The following ABAT variants were observed in gnomAD, a reference collection of about 807,000 sequenced individuals.
The protein encoded by ABAT is 4-aminobutyrate aminotransferase.
A neutral mutation model predicts 64.6 loss-of-function variants in ABAT; 45 were observed. That is an observed-to-expected ratio of 0.70 (90% CI 0.55 to 0.89). The LOEUF is 0.89. Among genes scored for constraint, ABAT ranks in the 40% least tolerant of loss-of-function variants. The pLI is 0.00. For missense variants in ABAT, 633 were observed against 658.4 expected (o/e 0.96, Z 0.42); for synonymous variants, 297 against 250.5 (o/e 1.19, Z -1.75).
intron 1 of ABAT, among the ~76,000 whole-genome samples, chr16:8,729,123 G>A (rs964160117): frequency 5.4e-5 from 8 of 147,826 alleles, no homozygotes; most frequent in Admixed American, 1.4e-4. Flanking sequence ...CCTTCACAAC[G>A]TGAGAAAAAC....
intron 5 of ABAT, among the ~76,000 whole-genome samples, chr16:8,752,299 A>C (rs1428074235): frequency 6.6e-6 from 1 of 152,088 alleles, no homozygotes; most frequent in Non-Finnish European, 1.5e-5. Flanking sequence ...TTTGTGTGGG[A>C]GTGGAAGGGA....
rs1596476030 is a variant in ABAT, at chr16:8,781,970, G to A, written c.*540G>A. The A allele has an allele frequency of 1.1e-5, 2 of 187,240 alleles. No individual in the cohort carries two copies. The highest frequency in any genetic ancestry group is 1.1e-4 in the South Asian group (1 of 8,850). The allele number at this position is 187,240 out of a possible 1,614,324, so 11.6% of individuals were successfully genotyped here. On this transcript the variant is annotated 3_prime_UTR_variant, in exon 16 of 16. Coordinates refer to ENST00000268251, the MANE Select transcript of ABAT (RefSeq NM_020686.6). This position sits in a 1 kb window ranked among gnomAD's most constrained non-coding sequence, Gnocchi z 4.5. The stretch of plus-strand genomic sequence containing the variant: ...GGACTGGACAGATCTGAGGAAGGCC[G>A]TAAAATGGGGACAGGAGGATTCAGC...
In ABAT at chr16:8,750,556, C is replaced by G; in HGVS notation, c.316+17C>G. 6.2e-7 allele frequency: 1 copy of G among 1,603,286 alleles called. No individual in the cohort carries two copies. The highest frequency in any genetic ancestry group is 8.5e-7 in the Non-Finnish European group (1 of 1,170,430). ...TCCCCATAGGTAAGAGCTGGGAAAT[C>G]ATTCCTTGGATATAACCTCTGTTTC... On this transcript the variant is annotated intron_variant, in intron 5 of 15. Coordinates refer to ENST00000268251, the MANE Select transcript of ABAT (RefSeq NM_020686.6).
At chr16:8,707,256 G>C (rs1173537890) in intron 1 of ABAT, among the ~76,000 whole-genome samples, 3 of 151,820 alleles carry the variant, frequency 2.0e-5, no homozygotes, top group Non-Finnish European at 4.4e-5. Flanking sequence ...GTGCAATCAT[G>C]GCTCACTGCA....
intron 1 of ABAT, among the ~76,000 whole-genome samples, chr16:8,686,357 A>G (rs1158288790): frequency 6.6e-6 from 1 of 152,238 alleles, no homozygotes; most frequent in Non-Finnish European, 1.5e-5. Flanking sequence ...AGCCACACAC[A>G]GAAGAGTGTG....
At chr16:8,721,515 G>A (rs1249594906) in intron 1 of ABAT, among the ~76,000 whole-genome samples, 2 of 152,154 alleles carry the variant, frequency 1.3e-5, no homozygotes, top group African/African-American at 2.4e-5. Context: ...TGCAGCCAAC[G>A]CTAGAAATTT....
rs142393325 is a variant in ABAT, at chr16:8,776,292, C to A, written c.1123-52C>A. On this transcript the variant is annotated intron_variant, in intron 13 of 15. Coordinates refer to ENST00000268251, the MANE Select transcript of ABAT (RefSeq NM_020686.6). This position sits in a 1 kb window ranked among gnomAD's most constrained non-coding sequence, Gnocchi z 4.4. ...GCGGGGCGCCTGGGGTAAGTGACTC[C>A]TGCAGGGTGTGCATGTGTGTGAAGC... 135 of 1,613,424 alleles carry A rather than the reference C, an allele frequency of 8.4e-5. No individual in the cohort carries two copies. In the African/African-American group the frequency reaches 1.5e-3, roughly 18 times the overall value.
chr16:8,740,686 A>T (rs1380152087), intron 2 of ABAT, among the ~76,000 whole-genome samples: 1 of 152,242 alleles, frequency 6.6e-6, no homozygotes, highest in East Asian at 1.9e-4. Flanking sequence ...TGGTGTTCCC[A>T]ATGGCATCAT....
chr16:8,727,936 T>C (rs894971716), intron 1 of ABAT, among the ~76,000 whole-genome samples: 10 of 152,256 alleles, frequency 6.6e-5, no homozygotes, highest in African/African-American at 2.4e-4. Context: ...CCAGGCATGA[T>C]GGCACATGCC....
chr16:8,699,712 C>G (rs935469798), intron 1 of ABAT, among the ~76,000 whole-genome samples: 14 of 152,234 alleles, frequency 9.2e-5, no homozygotes, highest in African/African-American at 3.1e-4. Flanking sequence ...CAGGTGTGCA[C>G]CACCACACCT....
At chr16:8,725,433 C>T (rs1365228343) in intron 1 of ABAT, among the ~76,000 whole-genome samples, 3 of 152,196 alleles carry the variant, frequency 2.0e-5, no homozygotes, top group Non-Finnish European at 2.9e-5. Context: ...GATTCACCTA[C>T]TCTTGAAGGT....
chr16:8,696,715 C>T (rs760881859), intron 1 of ABAT, among the ~76,000 whole-genome samples: 2 of 152,102 alleles, frequency 1.3e-5, no homozygotes, highest in Non-Finnish European at 2.9e-5. Context: ...GCTGATAGGC[C>T]CATGGGACCA....
Position 8,776,836 on chromosome 16 carries a change from C to G in ABAT, c.1269+346C>G, listed in dbSNP as rs2060279132. On this transcript the variant is annotated intron_variant, in intron 14 of 15. Coordinates refer to ENST00000268251, the MANE Select transcript of ABAT (RefSeq NM_020686.6). The surrounding 1 kb of genome is among the most constrained non-coding windows in gnomAD (Gnocchi z 4.4). Reference sequence around the variant, plus strand: ...TCAAACGATCCTTCCACCTCAGCCTCCCAAAGTGCTGGGCAGCGCCTGCCG... The same window carrying G: ...TCAAACGATCCTTCCACCTCAGCCTGCCAAAGTGCTGGGCAGCGCCTGCCG... Among the ~76,000 whole-genome samples, 1 of 152,172 alleles carries G rather than the reference C, an allele frequency of 6.6e-6. No individual in the cohort carries two copies. The highest frequency in any genetic ancestry group is 6.5e-5 in the Admixed American group (1 of 15,278).
intron 1 of ABAT, among the ~76,000 whole-genome samples, chr16:8,702,202 G>C (rs911259397): frequency 8.6e-5 from 13 of 152,040 alleles, no homozygotes; most frequent in African/African-American, 4.8e-5. Flanking sequence ...GGAGGTGAAG[G>C]GGGAGCAGGC....
chr16:8,693,457 AG>A (rs1415960896), intron 1 of ABAT, among the ~76,000 whole-genome samples: 1 of 152,074 alleles, frequency 6.6e-6, no homozygotes, highest in Non-Finnish European at 1.5e-5. Context: ...TACTCTTTTT[AG>A]GTCTTTTTAT....
chr16:8,679,406 T>C, intron 1 of ABAT, among the ~76,000 whole-genome samples: 1 of 152,102 alleles, frequency 6.6e-6, no homozygotes, highest in East Asian at 1.9e-4. Context: ...GGTGTCAGAC[T>C]GACCTCACCT....
intron 4 of ABAT, among the ~76,000 whole-genome samples, chr16:8,749,801 G>A (rs536806000): frequency 3.1e-4 from 47 of 152,004 alleles, no homozygotes; most frequent in Non-Finnish European, 6.0e-4. Context: ...TGCAACCTCC[G>A]CCTCCCGGGT....
intron 1 of ABAT, among the ~76,000 whole-genome samples, chr16:8,686,812 A>G (rs1378661840): frequency 6.6e-6 from 1 of 152,212 alleles, no homozygotes; most frequent in Non-Finnish European, 1.5e-5. Flanking sequence ...TAATGATCAC[A>G]GCAGAGTTTG....
intron 1 of ABAT, among the ~76,000 whole-genome samples, chr16:8,707,301 C>G (rs1230268861): frequency 6.6e-6 from 1 of 151,696 alleles, no homozygotes; most frequent in Admixed American, 6.6e-5. Flanking sequence ...ATCCTCCCAC[C>G]TCAGCCTACC....
Sources: allele counts gnomAD v4.1 joint callset (sites outside exome capture counted in the v4.1 genomes callset), GRCh38; gene constraint gnomAD v4.1.1; non-coding constraint Gnocchi (gnomAD v3.1); transcripts MANE v1.5; gene names NCBI Gene and HGNC (gene_info 2026-07-23, HGNC 2026-07-21).